Variants in PRKN observed in about 807,000 individuals in gnomAD.
PRKN encodes parkin RBR E3 ubiquitin protein ligase.
PRKN carries 56 observed loss-of-function variants against 59.5 expected under a neutral mutation model. The ratio of observed to expected loss-of-function variants is 0.94; its 90% confidence interval spans 0.76 to 1.18. The LOEUF is 1.18. PRKN is among the 50% of genes most tolerant of loss of function. PRKN has a pLI of 0.00. For missense variants in PRKN, 657 were observed against 596.4 expected (o/e 1.10, Z -1.06); for synonymous variants, 250 against 222.1 (o/e 1.13, Z -1.12).
intron 2 of PRKN, among the ~76,000 whole-genome samples, chr6:162,281,906 G>T (rs1226567728): frequency 6.6e-6 from 1 of 152,172 alleles, no homozygotes; most frequent in Non-Finnish European, 1.5e-5. Context: ...GTTTGTGGAT[G>T]AAACTGGTCC....
chr6:162,106,399 C>CT (rs11398715), intron 4 of PRKN, among the ~76,000 whole-genome samples: 86,344 of 144,370 alleles, frequency 0.6, 25,743 homozygotes, highest in East Asian at 0.74. Flanking sequence ...GAGTGAATTC[C>CT]TTTTTTTTTT....
intron 7 of PRKN, among the ~76,000 whole-genome samples, chr6:161,570,149 A>ATG (rs1780830088): frequency 9.1e-6 from 1 of 109,442 alleles, no homozygotes; most frequent in African/African-American, 3.5e-5. Flanking sequence ...AAAAAAAAAT[A>ATG]TATATATATA....
intron 1 of PRKN, among the ~76,000 whole-genome samples, chr6:162,541,800 A>G (rs1778934860): frequency 6.6e-6 from 1 of 152,194 alleles, no homozygotes; most frequent in Admixed American, 6.5e-5. Context: ...CCCTAAGTAT[A>G]AGAGTTAAAA....
rs925907736 is a variant in PRKN at position 162,056,161 on chromosome 6, CAA to C, written c.535-1989_535-1988del. 2.7e-5 allele frequency among the ~76,000 whole-genome samples: 4 copies of C among 146,086 alleles called. No homozygotes were observed. The highest frequency in any genetic ancestry group is 6.8e-5 in the Admixed American group (1 of 14,706). ...AGACACACCACACACGCACGCACAC[CAA>C]AACACACCACACATGCATAAACACA... On this transcript the variant is annotated intron_variant, in intron 4 of 11. Transcript: ENST00000366898. The surrounding 1 kb of genome is among the most constrained non-coding windows in gnomAD (Gnocchi z 4.9).
rs115253179 is a variant in PRKN at position 161,565,411 on chromosome 6, G to A, written c.933+3944C>T. Among the ~76,000 whole-genome samples, 758 of 152,150 alleles carry A rather than the reference G, an allele frequency of 5.0e-3. 13 individuals are homozygous for A. Among genetic ancestry groups the A allele is most frequent in the African/African-American group, 0.017 (716 of 41,506 alleles). ...GTGTCCCCACCCAAATTCTCATCTT[G>A]AATTGTAATCCCCATAATGCCCACA... On this transcript the variant is annotated intron_variant, in intron 8 of 11. Coordinates refer to ENST00000366898, the MANE Select transcript of PRKN (RefSeq NM_004562.3).
intron 2 of PRKN, among the ~76,000 whole-genome samples, chr6:162,280,691 T>C (rs191764501): frequency 4.7e-4 from 68 of 146,116 alleles, no homozygotes; most frequent in African/African-American, 1.7e-3. Flanking sequence ...CTCGGGAGGC[T>C]GAGGGAGGAG....
rs1789963834 is a variant in PRKN at position 161,456,257 on chromosome 6, G to C, written c.1084-69380C>G. Among the ~76,000 whole-genome samples, 1 of 152,204 alleles carries C rather than the reference G, an allele frequency of 6.6e-6. No homozygotes were observed. Among genetic ancestry groups the C allele is most frequent in the South Asian group, 2.1e-4 (1 of 4,832 alleles). On this transcript the variant is annotated intron_variant, in intron 9 of 11. Transcript: ENST00000366898. This position sits in a 1 kb window ranked among gnomAD's most constrained non-coding sequence, Gnocchi z 4.8. Reference sequence around the variant, plus strand: ...GGCTGCCAGTGCAGCTAAGATAAAAGCAGGCAGAAGGGTGTGGAAGGCCTA... The same window carrying C: ...GGCTGCCAGTGCAGCTAAGATAAAACCAGGCAGAAGGGTGTGGAAGGCCTA...
rs1323518249 is a variant in PRKN at position 161,530,758 on chromosome 6, T to G, written c.1083+18096A>C. Reference sequence around the variant, plus strand: ...GTCTCGAACTCCTGACCTCAGGTGATCCGCCCGTATTGGCCTCCCAAAGTG... The same window carrying G: ...GTCTCGAACTCCTGACCTCAGGTGAGCCGCCCGTATTGGCCTCCCAAAGTG... On this transcript the variant is annotated intron_variant, in intron 9 of 11. Transcript: ENST00000366898. The surrounding 1 kb of genome is among the most constrained non-coding windows in gnomAD (Gnocchi z 5.0). Among the ~76,000 whole-genome samples the G allele has an allele frequency of 6.6e-6, 1 of 151,860 alleles. No homozygotes were observed. The highest frequency in any genetic ancestry group is 1.5e-5 in the Non-Finnish European group (1 of 67,992).
At chr6:161,374,101 G>C (rs931676182) in intron 10 of PRKN, among the ~76,000 whole-genome samples, 1 of 152,170 alleles carries the variant, frequency 6.6e-6, no homozygotes, top group Non-Finnish European at 1.5e-5. Flanking sequence ...TACTGAGTGG[G>C]GTGTGCAGAG....
In PRKN at chr6:162,511,535, A is replaced by C. The variant is rs1451940836; in HGVS notation, c.8-68062T>G. On this transcript the variant is annotated intron_variant, in intron 1 of 11. Transcript: ENST00000366898. Reference sequence around the variant, plus strand: ...TATGTAAATTCTGCAACTGTAGAAAATGTAGATAATTAAAAGGGAATAGGA... The same window carrying C: ...TATGTAAATTCTGCAACTGTAGAAACTGTAGATAATTAAAAGGGAATAGGA... Among the ~76,000 whole-genome samples the C allele has an allele frequency of 4.6e-5, 7 of 152,312 alleles. No individual in the cohort carries two copies. In the East Asian group the frequency reaches 1.4e-3, roughly 29 times the overall value.
At chr6:162,295,090 A>G (rs189636152) in intron 2 of PRKN, among the ~76,000 whole-genome samples, 1 of 152,342 alleles carries the variant, frequency 6.6e-6, no homozygotes, top group Non-Finnish European at 1.5e-5. Flanking sequence ...GGCAAGTTGT[A>G]TTTCAGAATC....
At chr6:161,604,830 G>C (rs909905575) in intron 7 of PRKN, among the ~76,000 whole-genome samples, 1 of 152,172 alleles carries the variant, frequency 6.6e-6, no homozygotes, top group African/African-American at 2.4e-5. Flanking sequence ...AGCTACGCAG[G>C]AGGCTGAGGC....
intron 1 of PRKN, among the ~76,000 whole-genome samples, chr6:162,566,537 G>A (rs10945844): frequency 0.53 from 80,879 of 151,946 alleles, 21,840 homozygotes; most frequent in East Asian, 0.71. Flanking sequence ...TCTAGAAGAA[G>A]TGGACAAATT....
intron 1 of PRKN, among the ~76,000 whole-genome samples, chr6:162,546,323 G>A (rs1321405638): frequency 2.0e-5 from 3 of 151,922 alleles, no homozygotes; most frequent in Non-Finnish European, 4.4e-5. Context: ...GGCTGGTCTC[G>A]AACTCTTGAC....
At chr6:161,800,394 AT>A (rs1019630536) in intron 6 of PRKN, among the ~76,000 whole-genome samples, 66 of 152,234 alleles carry the variant, frequency 4.3e-4, no homozygotes, top group African/African-American at 1.6e-3. Flanking sequence ...CACACCTTTC[AT>A]ATTACTTTAA....
chr6:162,142,524 C>T (rs533967075), intron 4 of PRKN, among the ~76,000 whole-genome samples: 4 of 152,230 alleles, frequency 2.6e-5, no homozygotes, highest in African/African-American at 9.6e-5. Flanking sequence ...ACATAGTAAG[C>T]GCTATGTGTC....
rs945230623 is a variant in PRKN at position 161,681,402 on chromosome 6, T to A, written c.871+104370A>T. 7.6e-4 allele frequency among the ~76,000 whole-genome samples: 116 copies of A among 152,156 alleles called. 2 individuals are homozygous for A. The highest frequency in any genetic ancestry group is 1.6e-3 in the Non-Finnish European group (108 of 68,020). ...TGATCAGGAAAAATAACTTAAGTTA[T>A]CATTTTTACCTTTTTCCAATTGCAA... On this transcript the variant is annotated intron_variant, in intron 7 of 11. Transcript: ENST00000366898.
chr6:161,639,280 A>C (rs1783649422), intron 7 of PRKN, among the ~76,000 whole-genome samples: 2 of 152,208 alleles, frequency 1.3e-5, no homozygotes, highest in Non-Finnish European at 2.9e-5. Context: ...AGCTCCTTCT[A>C]GACTCTGCTG....
At position 161,552,802 on chromosome 6, in the gene PRKN, T is replaced by TTG. The variant is rs1780087733; in HGVS notation, c.934-3800_934-3799insCA. On this transcript the variant is annotated intron_variant, in intron 8 of 11. Transcript: ENST00000366898. The surrounding 1 kb of genome is among the most constrained non-coding windows in gnomAD (Gnocchi z 4.9). ...TTTTGTTGTTGTTTTTGTTTTTTGT[T>TTG]TTTTTTTTTTAGACGGAGTCTCGTT... is the stretch of plus-strand genomic sequence containing the variant. Among the ~76,000 whole-genome samples the TTG allele has an allele frequency of 1.4e-5, 2 of 147,904 alleles. No individual in the cohort carries two copies. Among genetic ancestry groups the TTG allele is most frequent in the African/African-American group, 4.9e-5 (2 of 40,506 alleles).
Sources: gnomAD v4.1 joint callset for allele counts (sites outside exome capture counted in the v4.1 genomes callset) on GRCh38, gnomAD v4.1.1 for gene constraint, Gnocchi (gnomAD v3.1) non-coding constraint, MANE v1.5 for transcripts, NCBI Gene and HGNC (gene_info 2026-07-23, HGNC 2026-07-21) for gene names.